The following PLD5 variants were observed in gnomAD, a reference collection of about 807,000 sequenced individuals.
The protein encoded by PLD5 is inactive phospholipase D5.
In PLD5, 36 loss-of-function variants were observed where a neutral mutation model predicts 61.1. The ratio of observed to expected loss-of-function variants is 0.59; its 90% CI spans 0.45 to 0.78. PLD5 has a LOEUF of 0.78. Ranked by LOEUF, PLD5 falls within the 30% of genes least tolerant of loss-of-function variation. The pLI is 0.00. For synonymous variants in PLD5, 243 were observed against 242.8 expected (o/e 1.00, Z -0.01); for missense variants, 515 against 644.4 (o/e 0.80, Z 2.17).
At chr1:242,275,877 C>A (rs1051132009) in intron 3 of PLD5, among the ~76,000 whole-genome samples, 14 of 152,124 alleles carry the variant, frequency 9.2e-5, no homozygotes, top group African/African-American at 3.4e-4. Context: ...ATCTGGAAGA[C>A]AATGTGGACC....
rs543827368 is a variant in PLD5 at position 242,478,800 on chromosome 1, G to A, written c.189+45288C>T. 1.5e-3 allele frequency among the ~76,000 whole-genome samples: 221 copies of A among 152,204 alleles called. 1 individual carries two copies. The highest frequency in any genetic ancestry group is 2.5e-3 in the Non-Finnish European group (167 of 67,992). ...CAGTGAGAGAATTACTATTCCAAAAGTAAGTAAAAAGTATCAGAAACACAA... is the reference window on the plus strand; with the variant it reads ...CAGTGAGAGAATTACTATTCCAAAAATAAGTAAAAAGTATCAGAAACACAA... On this transcript the variant is annotated intron_variant, in intron 1 of 9. Coordinates refer to ENST00000536534, the MANE Select transcript of PLD5 (RefSeq NM_001372062.1).
At chr1:242,279,135 T>G (rs1674574404) in intron 3 of PLD5, among the ~76,000 whole-genome samples, 1 of 152,222 alleles carries the variant, frequency 6.6e-6, no homozygotes. Context: ...ATGTGGAATA[T>G]CCAAGTACAA....
At chr1:242,223,650 G>A (rs963693531) in intron 4 of PLD5, among the ~76,000 whole-genome samples, 3 of 152,072 alleles carry the variant, frequency 2.0e-5, no homozygotes, top group African/African-American at 4.8e-5. Flanking sequence ...TTTAGGACAC[G>A]ATAAATTCCT....
intron 1 of PLD5, among the ~76,000 whole-genome samples, chr1:242,447,898 G>C (rs555081352): frequency 1.3e-5 from 2 of 152,132 alleles, no homozygotes; most frequent in Non-Finnish European, 2.9e-5. Flanking sequence ...ATTTCAGCCC[G>C]GTCCTTTATA....
intron 1 of PLD5, among the ~76,000 whole-genome samples, chr1:242,463,843 T>C (rs890283300): frequency 1.1e-4 from 17 of 152,024 alleles, no homozygotes; most frequent in Non-Finnish European, 2.2e-4. Context: ...ATTTTTCCCA[T>C]ATTAAAAAAA....
intron 1 of PLD5, among the ~76,000 whole-genome samples, chr1:242,521,823 T>G (rs10926760): frequency 0.13 from 19,119 of 152,198 alleles, 1,424 homozygotes; most frequent in Admixed American, 0.22. Context: ...TTTTCATGCT[T>G]TCTGTAGCAA....
intron 1 of PLD5, among the ~76,000 whole-genome samples, chr1:242,402,157 C>A (rs1300278917): frequency 6.6e-6 from 1 of 152,138 alleles, no homozygotes; most frequent in East Asian, 1.9e-4. Context: ...ATTTCAGGCA[C>A]AAGGTTAGTC....
intron 4 of PLD5, among the ~76,000 whole-genome samples, chr1:242,237,603 A>G (rs1671723104): frequency 6.6e-6 from 1 of 152,204 alleles, no homozygotes; most frequent in South Asian, 2.1e-4. Context: ...GCTCAGTAAC[A>G]GCCACGTGCC....
chr1:242,437,387 G>C (rs1666047732), intron 1 of PLD5, among the ~76,000 whole-genome samples: 1 of 152,054 alleles, frequency 6.6e-6, no homozygotes, highest in Admixed American at 6.6e-5. Flanking sequence ...TACCCTCCTA[G>C]CTCTGGTCTG....
At chr1:242,292,413 C>G (rs1412390007) in intron 2 of PLD5, among the ~76,000 whole-genome samples, 1 of 152,134 alleles carries the variant, frequency 6.6e-6, no homozygotes, top group Non-Finnish European at 1.5e-5. Flanking sequence ...CCCAGATAAA[C>G]CAAACATATG....
At chr1:242,163,373 G>A (rs949330616) in intron 5 of PLD5, among the ~76,000 whole-genome samples, 2 of 151,966 alleles carry the variant, frequency 1.3e-5, no homozygotes, top group African/African-American at 2.4e-5. Flanking sequence ...TCCATCTCCT[G>A]ACCTCGTGAT....
At chr1:242,360,682 T>G (rs1212769657) in intron 1 of PLD5, among the ~76,000 whole-genome samples, 1 of 152,188 alleles carries the variant, frequency 6.6e-6, no homozygotes, top group African/African-American at 2.4e-5. Context: ...TGTCCTTAAA[T>G]GTTCTTTCAT....
At chr1:242,380,002 T>C (rs1416266958) in intron 1 of PLD5, among the ~76,000 whole-genome samples, 2 of 152,226 alleles carry the variant, frequency 1.3e-5, no homozygotes, top group African/African-American at 4.8e-5. Flanking sequence ...TCTGTGGCTA[T>C]TGCTTCTTGG....
At chr1:242,495,805 G>T (rs1668350612) in intron 1 of PLD5, among the ~76,000 whole-genome samples, 5 of 152,270 alleles carry the variant, frequency 3.3e-5, no homozygotes, top group Non-Finnish European at 5.9e-5. Context: ...AACAATGTTT[G>T]CATTCTTCAT....
intron 1 of PLD5, among the ~76,000 whole-genome samples, chr1:242,523,343 G>GT (rs112208579): frequency 0.013 from 1,860 of 146,804 alleles, 11 homozygotes; most frequent in Middle Eastern, 0.029. Context: ...TTTTTAGAAG[G>GT]TTTTTTTTTT....
chr1:242,304,153 A>G (rs1452994225), intron 2 of PLD5, among the ~76,000 whole-genome samples: 1 of 152,354 alleles, frequency 6.6e-6, no homozygotes, highest in African/African-American at 2.4e-5. Flanking sequence ...TCTTGCTTAG[A>G]AAAGTTGTAT....
At chr1:242,520,060 T>C (rs1669229736) in intron 1 of PLD5, among the ~76,000 whole-genome samples, 1 of 152,168 alleles carries the variant, frequency 6.6e-6, no homozygotes, top group Non-Finnish European at 1.5e-5. Context: ...TCCTTCTGGG[T>C]CTTAGCTGGA....
intron 5 of PLD5, among the ~76,000 whole-genome samples, chr1:242,182,342 C>G (rs977815852): frequency 6.7e-6 from 1 of 150,182 alleles, no homozygotes; most frequent in African/African-American, 2.5e-5. Context: ...TCTCCAGAGG[C>G]ATTCGCCAAA....
At chr1:242,190,870 T>C (rs574065476) in intron 5 of PLD5, among the ~76,000 whole-genome samples, 1 of 152,302 alleles carries the variant, frequency 6.6e-6, no homozygotes, top group Non-Finnish European at 1.5e-5. Context: ...CATGCACTGC[T>C]GGATTTTCAG....
Sources: gnomAD v4.1 joint callset for allele counts (sites outside exome capture counted in the v4.1 genomes callset) on GRCh38, gnomAD v4.1.1 for gene constraint, MANE v1.5 for transcripts, NCBI Gene and HGNC (gene_info 2026-07-23, HGNC 2026-07-21) for gene names.